Variants in CNTN5 observed in about 807,000 individuals in gnomAD.
CNTN5 encodes contactin 5.
In CNTN5, 77 loss-of-function variants were observed where a neutral mutation model predicts 129.1. The observed-to-expected ratio is 0.60, with a 90% CI of 0.50 to 0.72. CNTN5 has a LOEUF of 0.72. Ranked by LOEUF, CNTN5 falls within the 30% of genes least tolerant of loss-of-function variation. The probability of loss-of-function intolerance (pLI) is 0.00; values close to 1 mark genes in which losing one functional copy is unlikely to be tolerated. For missense variants in CNTN5, 1,478 were observed against 1,328.8 expected, an observed-to-expected ratio of 1.11 and a Z score of -1.75; for synonymous variants, 509 against 465.6, an observed-to-expected ratio of 1.09 and a Z score of -1.20.
chr11:100,304,180 A>G (rs1951292962), intron 20 of CNTN5, among the ~76,000 whole-genome samples: 1 of 151,652 alleles, frequency 6.6e-6, no homozygotes, highest in Admixed American at 6.6e-5. Flanking sequence ...AAACGTATCA[A>G]TCAACCTGTC....
intron 2 of CNTN5, among the ~76,000 whole-genome samples, chr11:99,451,155 T>C (rs2135192227): frequency 6.6e-6 from 1 of 152,120 alleles, no homozygotes; most frequent in Non-Finnish European, 1.5e-5. Flanking sequence ...TAGCTTAAAG[T>C]CAAGAGAAAG....
chr11:99,442,477 C>T (rs190864338), intron 2 of CNTN5, among the ~76,000 whole-genome samples: 1 of 152,156 alleles, frequency 6.6e-6, no homozygotes, highest in African/African-American at 2.4e-5. Flanking sequence ...GCTTTGAGGG[C>T]TGTTGTTTAA....
intron 1 of CNTN5, among the ~76,000 whole-genome samples, chr11:99,229,960 A>G (rs1310483217): frequency 2.0e-5 from 3 of 151,996 alleles, no homozygotes; most frequent in African/African-American, 7.2e-5. Flanking sequence ...AAACTTCCTC[A>G]TAATATTAAG....
rs1949915486 is a variant in CNTN5 at position 99,589,648 on chromosome 11, T to G, written c.55+33379T>G. Among the ~76,000 whole-genome samples, 4 of 152,160 alleles carry G rather than the reference T, an allele frequency of 2.6e-5. No individual in the cohort carries two copies. The South Asian group carries it at 8.3e-4, about 31-fold the overall frequency. ...ATTGATGTTCATAAATCATTATGCT[T>G]TAAATATATTTGAAGAAAAGATATA... On this transcript the variant is annotated intron_variant, in intron 3 of 24. Transcript: ENST00000524871.
intron 7 of CNTN5, among the ~76,000 whole-genome samples, chr11:99,930,380 G>A (rs892103026): frequency 2.0e-5 from 3 of 152,128 alleles, no homozygotes; most frequent in African/African-American, 7.2e-5. Context: ...GGATGTGTTT[G>A]TTCAATTCCT....
chr11:99,586,945 A>T (rs1291258737), intron 3 of CNTN5, among the ~76,000 whole-genome samples: 1 of 152,260 alleles, frequency 6.6e-6, no homozygotes, highest in Admixed American at 6.5e-5. Flanking sequence ...GCAGAGAATC[A>T]TCAACAATAG....
At chr11:99,729,751 G>T (rs941474428) in intron 3 of CNTN5, among the ~76,000 whole-genome samples, 1 of 152,142 alleles carries the variant, frequency 6.6e-6, no homozygotes, top group African/African-American at 2.4e-5. Context: ...CCTGTGCAGG[G>T]ACATGGATGG....
At chr11:99,775,302 A>G (rs779695539) in intron 3 of CNTN5, among the ~76,000 whole-genome samples, 1 of 151,926 alleles carries the variant, frequency 6.6e-6, no homozygotes, top group Non-Finnish European at 1.5e-5. Flanking sequence ...TTGTTCCTTA[A>G]CAATGAAAAA....
At chr11:99,032,029 T>A (rs1315665222) in intron 1 of CNTN5, among the ~76,000 whole-genome samples, 1 of 151,170 alleles carries the variant, frequency 6.6e-6, no homozygotes, top group Non-Finnish European at 1.5e-5. Flanking sequence ...TGGTTTTTTG[T>A]TCTTGCGATA....
intron 2 of CNTN5, among the ~76,000 whole-genome samples, chr11:99,382,074 CT>C (rs1359659486): frequency 7.0e-6 from 1 of 141,932 alleles, no homozygotes; most frequent in Non-Finnish European, 1.6e-5. Flanking sequence ...TTACAAATGC[CT>C]CAGGGAAAAA....
chr11:99,806,530 C>T (rs1423816193), intron 3 of CNTN5, among the ~76,000 whole-genome samples: 1 of 151,864 alleles, frequency 6.6e-6, no homozygotes. Context: ...CAAAATAGGT[C>T]GTGTGCAGTG....
intron 3 of CNTN5, among the ~76,000 whole-genome samples, chr11:99,704,103 A>T (rs1006066981): frequency 4.0e-5 from 6 of 150,534 alleles, no homozygotes; most frequent in African/African-American, 1.5e-4. Context: ...ACCCATATGC[A>T]TGTATATTAA....
chr11:99,275,190 T>C (rs1863368439), intron 1 of CNTN5, among the ~76,000 whole-genome samples: 1 of 150,918 alleles, frequency 6.6e-6, no homozygotes, highest in African/African-American at 2.4e-5. Context: ...CCAAGTTCAT[T>C]GATATATAAA....
intron 13 of CNTN5, among the ~76,000 whole-genome samples, chr11:100,182,783 A>G (rs1358475728): frequency 6.6e-6 from 1 of 152,100 alleles, no homozygotes; most frequent in Admixed American, 6.6e-5. Flanking sequence ...ATAAAATAAA[A>G]TCAATAAATT....
chr11:99,806,857 T>C (rs1396088907), intron 3 of CNTN5, among the ~76,000 whole-genome samples: 1 of 131,928 alleles, frequency 7.6e-6, no homozygotes, highest in Non-Finnish European at 1.6e-5. Flanking sequence ...CATAAATACA[T>C]AAATAAATCA....
rs1196839399 is a variant in CNTN5, at chr11:99,162,274, A to AT, written c.-210+141005dup. ...AAAGTTGGCTTGAGGGTTCCTAGAC[A>AT]TGTTTTTTTTTTCTTTTCATTGATA... On this transcript the variant is annotated intron_variant, in intron 1 of 24. Transcript: ENST00000524871. 2.8e-5 allele frequency among the ~76,000 whole-genome samples: 3 copies of AT among 106,108 alleles called. No individual in the cohort carries two copies. The East Asian group carries it at 8.7e-4, about 31-fold the overall frequency. The allele number at this position is 106,108 out of a possible 152,430, so 69.6% of individuals were successfully genotyped here.
At chr11:100,045,894 G>A (rs1471257804) in intron 9 of CNTN5, among the ~76,000 whole-genome samples, 1 of 152,066 alleles carries the variant, frequency 6.6e-6, no homozygotes, top group African/African-American at 2.4e-5. Context: ...AGTTATCTCT[G>A]AGAACACCTG....
At chr11:100,229,421 T>A (rs898682745) in intron 16 of CNTN5, among the ~76,000 whole-genome samples, 2 of 152,200 alleles carry the variant, frequency 1.3e-5, no homozygotes, top group Non-Finnish European at 1.5e-5. Context: ...TTTGTTTGTT[T>A]CAAATGGTTG....
chr11:99,547,354 A>G (rs779673689), intron 2 of CNTN5, among the ~76,000 whole-genome samples: 16 of 152,152 alleles, frequency 1.1e-4, no homozygotes, highest in Non-Finnish European at 1.3e-4. Flanking sequence ...GGAGCAGTGG[A>G]AGGTATGTGG....
Sources: gnomAD v4.1 joint callset for allele counts (sites outside exome capture counted in the v4.1 genomes callset) on GRCh38, gnomAD v4.1.1 for gene constraint, MANE v1.5 for transcripts, NCBI Gene and HGNC (gene_info 2026-07-23, HGNC 2026-07-21) for gene names.